The following DPP6 variants were observed in gnomAD, a reference collection of about 807,000 sequenced individuals.
DPP6 encodes dipeptidyl peptidase like 6.
DPP6 carries 69 observed loss-of-function variants against 122.6 expected under a neutral mutation model. The observed-to-expected ratio is 0.56, with a 90% CI of 0.46 to 0.69. The LOEUF is 0.69. Ranked by LOEUF, DPP6 falls within the 30% of genes least tolerant of loss-of-function variation. DPP6 has a pLI of 0.00. For missense variants in DPP6, 928 were observed against 1,116.9 expected (o/e 0.83, Z 2.41); for synonymous variants, 418 against 433.1 (o/e 0.97, Z 0.43).
At chr7:154,097,848 A>G (rs12154466) in intron 1 of DPP6, among the ~76,000 whole-genome samples, 34,059 of 151,916 alleles carry the variant, frequency 0.22, 3,709 homozygotes, top group East Asian at 0.42. Flanking sequence ...GCCCTTCCTC[A>G]TGATGTGGCA....
intron 1 of DPP6, among the ~76,000 whole-genome samples, chr7:154,391,099 G>A (rs562522693): frequency 6.6e-6 from 1 of 152,158 alleles, no homozygotes; most frequent in African/African-American, 2.4e-5. Flanking sequence ...TGCAGCGGGC[G>A]TTCTGGAAAT....
chr7:154,159,977 C>T (rs1182503436), intron 1 of DPP6, among the ~76,000 whole-genome samples: 3 of 152,206 alleles, frequency 2.0e-5, no homozygotes, highest in African/African-American at 7.2e-5. Flanking sequence ...GGTATGGTGG[C>T]ACATGCCTTT....
At chr7:154,619,817 AT>A (rs1834519655) in intron 5 of DPP6, among the ~76,000 whole-genome samples, 1 of 152,242 alleles carries the variant, frequency 6.6e-6, no homozygotes, top group African/African-American at 2.4e-5. Context: ...AGCAAATCAG[AT>A]TCTCTGATGG....
At chr7:154,367,745 ATT>A (rs1382108096) in intron 1 of DPP6, among the ~76,000 whole-genome samples, 1 of 152,208 alleles carries the variant, frequency 6.6e-6, no homozygotes, top group Admixed American at 6.5e-5. Context: ...TGTAAATATA[ATT>A]TCCTGAAATC....
intron 1 of DPP6, among the ~76,000 whole-genome samples, chr7:153,966,990 C>T (rs2129031533): frequency 6.6e-6 from 1 of 150,668 alleles, no homozygotes; most frequent in South Asian, 2.1e-4. Context: ...TCACTGAGCC[C>T]ATGGAGGTCA....
chr7:153,990,037 A>G (rs1254550267), intron 1 of DPP6, among the ~76,000 whole-genome samples: 2 of 117,698 alleles, frequency 1.7e-5, no homozygotes, highest in South Asian at 3.5e-4. Context: ...TGCCTCTGCC[A>G]GCCAGAGCCA....
intron 1 of DPP6, among the ~76,000 whole-genome samples, chr7:154,329,607 A>G (rs902698983): frequency 6.6e-6 from 1 of 152,182 alleles, no homozygotes; most frequent in Non-Finnish European, 1.5e-5. Flanking sequence ...TAGTTTAATC[A>G]TGGAAGACAG....
At chr7:153,829,901 C>T in the DPP6 span, among the ~76,000 whole-genome samples, 1 of 152,184 alleles carries the variant, frequency 6.6e-6, no homozygotes, top group Admixed American at 6.5e-5. Flanking sequence ...GCAAGGAGCT[C>T]GTGCCCCTCA....
At chr7:153,874,889 T>A in the DPP6 span, among the ~76,000 whole-genome samples, 9,098 of 152,218 alleles carry the variant, frequency 0.06, 447 homozygotes, top group East Asian at 0.23. Flanking sequence ...GCATAATAGA[T>A]GTTGGAAACC....
In DPP6 at chr7:153,933,185, G is replaced by GT. The variant is rs529037056; in HGVS notation, c.51+45452dup. On this transcript the variant is annotated intron_variant, in intron 1 of 25. Transcript: ENST00000404039. ...GTATGAAAATGGACTAATACACTGTGTAACCTCTAAGTTTCCTCAACGGTA... is the reference window on the plus strand; with the variant it reads ...GTATGAAAATGGACTAATACACTGTGTTAACCTCTAAGTTTCCTCAACGGTA... Among the ~76,000 whole-genome samples, 36 of 152,240 alleles carry GT rather than the reference G, an allele frequency of 2.4e-4. No individual in the cohort carries two copies. In the South Asian group the frequency reaches 3.5e-3, roughly 15 times the overall value.
intron 1 of DPP6, among the ~76,000 whole-genome samples, chr7:153,980,343 A>C (rs1409223663): frequency 1.3e-5 from 2 of 152,112 alleles, no homozygotes; most frequent in African/African-American, 2.4e-5. Flanking sequence ...AGAGGTGTTT[A>C]TAATATTCTC....
chr7:153,783,327 G>C, the DPP6 span, among the ~76,000 whole-genome samples: 1 of 152,208 alleles, frequency 6.6e-6, no homozygotes, highest in Non-Finnish European at 1.5e-5. Context: ...GGCAGCAGGA[G>C]ACAGAATGAG....
intron 6 of DPP6, among the ~76,000 whole-genome samples, chr7:154,655,870 T>A (rs1283724884): frequency 6.6e-6 from 1 of 152,158 alleles, no homozygotes; most frequent in Non-Finnish European, 1.5e-5. Flanking sequence ...TGACTAAATC[T>A]TCACGCAGAC....
chr7:154,637,730 G>A, intron 5 of DPP6, 91 bp from the exon 6 acceptor site: 1 of 1,359,618 alleles, frequency 7.4e-7, no homozygotes, highest in Non-Finnish European at 1.0e-6. Flanking sequence ...TTGGTTCACT[G>A]ATGTTTGTTA....
chr7:154,749,707 G>A lies in DPP6; in HGVS notation c.884-19710G>A, dbSNP rs868726782. 6.7e-3 allele frequency among the ~76,000 whole-genome samples: 312 copies of A among 46,366 alleles called. 2 individuals carry two copies. The highest frequency in any genetic ancestry group is 0.024 in the African/African-American group (296 of 12,140). 30.4% of individuals were successfully genotyped at this position (46,366 alleles called of 152,430 possible). On this transcript the variant is annotated intron_variant, in intron 8 of 25. Coordinates refer to ENST00000377770, the MANE Select transcript of DPP6 (RefSeq NM_130797.4). ...GCATAGGATGGGAAAGAGAGGGATG[G>A]AGGCTTTACTGAGCGAGGGTGAGAG...
chr7:154,570,014 A>G (rs1318603772), intron 5 of DPP6, among the ~76,000 whole-genome samples: 1 of 151,894 alleles, frequency 6.6e-6, no homozygotes, highest in Non-Finnish European at 1.5e-5. Flanking sequence ...CTTCCAGGGT[A>G]TATGTGTTTG....
the DPP6 span, among the ~76,000 whole-genome samples, chr7:153,772,222 T>G: frequency 6.6e-6 from 1 of 152,276 alleles, no homozygotes; most frequent in East Asian, 1.9e-4. Flanking sequence ...TAGCTGGGAT[T>G]ACAGGCACGC....
chr7:154,670,741 A>T (rs1163547277), intron 7 of DPP6, among the ~76,000 whole-genome samples: 1 of 152,172 alleles, frequency 6.6e-6, no homozygotes, highest in Non-Finnish European at 1.5e-5. Flanking sequence ...CTCCCACAGA[A>T]TTGTATCGGA....
rs756940327 is a variant in DPP6, at chr7:154,637,893, T to A, written c.680+20T>A. The A allele has an allele frequency of 6.4e-7, 1 of 1,559,448 alleles. No homozygotes were observed. Among genetic ancestry groups the A allele is most frequent in the East Asian group, 2.3e-5 (1 of 42,664 alleles). On this transcript the variant is annotated intron_variant, in intron 6 of 25. Transcript: ENST00000377770. ...TCATGGGTAAGAGTGTTCTTTTCTTTCTTTTAATTAGAAATATGCAGGGCA... is the reference window on the plus strand; with the variant it reads ...TCATGGGTAAGAGTGTTCTTTTCTTACTTTTAATTAGAAATATGCAGGGCA...
Sources: gnomAD v4.1 joint callset for allele counts (sites outside exome capture counted in the v4.1 genomes callset) on GRCh38, gnomAD v4.1.1 for gene constraint, MANE v1.5 for transcripts, NCBI Gene and HGNC (gene_info 2026-07-23, HGNC 2026-07-21) for gene names.